SPATA16: variants seen among roughly 807,000 people sequenced by gnomAD.
SPATA16 encodes the protein spermatogenesis associated 16, also known as spermatogenesis-associated protein 16.
A neutral mutation model predicts 63.3 loss-of-function variants in SPATA16; 36 were observed. The ratio of observed to expected loss-of-function variants is 0.57; its 90% CI spans 0.44 to 0.75. The LOEUF (loss-of-function observed/expected upper bound fraction) is 0.75. Among genes scored for constraint, SPATA16 ranks in the 30% least tolerant of loss-of-function variants. The pLI is 0.00. For synonymous variants in SPATA16, 203 were observed against 216.7 expected, an observed-to-expected ratio of 0.94 and a Z score of 0.56; for missense variants, 646 against 679.3, an observed-to-expected ratio of 0.95 and a Z score of 0.54.
At chr3:172,898,612 T>G (rs1307914252) in intron 10 of SPATA16, among the ~76,000 whole-genome samples, 1 of 150,004 alleles carries the variant, frequency 6.7e-6, no homozygotes. Context: ...TTTTATTTGT[T>G]AGTCTTGCTA....
At chr3:172,998,022 G>A (rs182589463) in intron 4 of SPATA16, among the ~76,000 whole-genome samples, 1 of 151,802 alleles carries the variant, frequency 6.6e-6, no homozygotes, top group Non-Finnish European at 1.5e-5. Flanking sequence ...GACTATTCTG[G>A]GTCTTCTACC....
rs1185155912 is a variant in SPATA16, at chr3:173,033,092, G to A, written c.759-13517C>T. The stretch of plus-strand genomic sequence containing the variant: ...TTCTACCTTAGGCAGATGTGATCAG[G>A]AACAAAAGGCAGTTAATGTAATAAT... On this transcript the variant is annotated intron_variant, in intron 3 of 10. Coordinates refer to ENST00000351008, the MANE Select transcript of SPATA16 (RefSeq NM_031955.6). 3.3e-5 allele frequency among the ~76,000 whole-genome samples: 5 copies of A among 152,116 alleles called. No individual in the cohort carries two copies. The South Asian group carries it at 8.3e-4, about 25-fold the overall frequency.
chr3:173,094,872 C>A (rs953235135), intron 2 of SPATA16, among the ~76,000 whole-genome samples: 9 of 152,140 alleles, frequency 5.9e-5, no homozygotes, highest in Non-Finnish European at 1.2e-4. Context: ...AGCTTATATT[C>A]AGCACCTGGT....
intron 1 of SPATA16, among the ~76,000 whole-genome samples, chr3:173,135,714 A>C (rs1258649173): frequency 6.6e-6 from 1 of 152,236 alleles, no homozygotes; most frequent in Non-Finnish European, 1.5e-5. Context: ...ATTCATTTAA[A>C]TAAAGATTAA....
intron 2 of SPATA16, among the ~76,000 whole-genome samples, chr3:173,090,603 G>A (rs1050487922): frequency 6.6e-6 from 1 of 152,248 alleles, no homozygotes. Flanking sequence ...CATCAGCTGA[G>A]GGGGAGCCAG....
intron 8 of SPATA16, among the ~76,000 whole-genome samples, chr3:172,919,258 A>G (rs1732567433): frequency 6.6e-6 from 1 of 152,224 alleles, no homozygotes; most frequent in South Asian, 2.1e-4. Context: ...AATGAATGGA[A>G]AAGTATAGTG....
At chr3:173,119,914 C>T (rs1038563335) in intron 1 of SPATA16, among the ~76,000 whole-genome samples, 3 of 151,766 alleles carry the variant, frequency 2.0e-5, no homozygotes, top group African/African-American at 7.2e-5. Context: ...ATGGTGCAAC[C>T]CTATCTGTAC....
At chr3:173,071,061 A>T (rs1404981146) in intron 2 of SPATA16, among the ~76,000 whole-genome samples, 1 of 152,224 alleles carries the variant, frequency 6.6e-6, no homozygotes, top group Non-Finnish European at 1.5e-5. Context: ...CCTTCAAATT[A>T]TACTAGAAAG....
intron 4 of SPATA16, among the ~76,000 whole-genome samples, chr3:173,014,663 G>T (rs1735141120): frequency 6.6e-6 from 1 of 152,178 alleles, no homozygotes. Flanking sequence ...ATCTCTTGAA[G>T]ATTCAAAAAA....
intron 4 of SPATA16, among the ~76,000 whole-genome samples, chr3:172,997,518 C>T (rs527250215): frequency 2.7e-4 from 41 of 151,952 alleles, no homozygotes; most frequent in African/African-American, 9.2e-4. Context: ...AGTTCTTTAT[C>T]GTATGTGCCT....
intron 3 of SPATA16, among the ~76,000 whole-genome samples, chr3:173,046,532 G>T (rs1389959153): frequency 6.6e-6 from 1 of 151,918 alleles, no homozygotes; most frequent in Non-Finnish European, 1.5e-5. Flanking sequence ...CTAAAAATAT[G>T]CAGTAGACCT....
chr3:172,958,708 G>T (rs1396883207), intron 5 of SPATA16, among the ~76,000 whole-genome samples: 2 of 152,178 alleles, frequency 1.3e-5, no homozygotes, highest in Non-Finnish European at 2.9e-5. Context: ...GGTTTCTTCT[G>T]AGGGTCTCTC....
chr3:173,015,896 G>A (rs946522599), intron 4 of SPATA16, among the ~76,000 whole-genome samples: 3 of 150,682 alleles, frequency 2.0e-5, no homozygotes, highest in Non-Finnish European at 4.4e-5. Context: ...GTGTGTGTAA[G>A]TATGAGTGCT....
chr3:173,067,995 A>G (rs1736563479), intron 2 of SPATA16, among the ~76,000 whole-genome samples: 3 of 152,238 alleles, frequency 2.0e-5, no homozygotes, highest in African/African-American at 7.2e-5. Context: ...TCAACATAGA[A>G]TATTACATCC....
At chr3:172,974,576 G>A (rs895858197) in intron 5 of SPATA16, among the ~76,000 whole-genome samples, 3 of 151,966 alleles carry the variant, frequency 2.0e-5, no homozygotes, top group Admixed American at 2.0e-4. Context: ...GGAGAAGCTG[G>A]TTAGCAGCAG....
At chr3:173,084,201 A>C (rs566045371) in intron 2 of SPATA16, among the ~76,000 whole-genome samples, 6 of 152,106 alleles carry the variant, frequency 3.9e-5, no homozygotes, top group Non-Finnish European at 8.8e-5. Flanking sequence ...TTAACTTTTT[A>C]ATAATTGTCA....
chr3:173,132,396 G>A (rs1738410108), intron 1 of SPATA16, among the ~76,000 whole-genome samples: 2 of 152,100 alleles, frequency 1.3e-5, no homozygotes, highest in Admixed American at 1.3e-4. Context: ...TGAAGCAAAA[G>A]CAAAAGAGAA....
intron 2 of SPATA16, among the ~76,000 whole-genome samples, chr3:173,066,608 C>A (rs560490784): frequency 3.3e-4 from 50 of 152,312 alleles, no homozygotes; most frequent in African/African-American, 1.1e-3. Flanking sequence ...TAGGGCACTA[C>A]CTAGTGCTGA....
chr3:173,070,866 G>A (rs925843343), intron 2 of SPATA16, among the ~76,000 whole-genome samples: 1 of 152,084 alleles, frequency 6.6e-6, no homozygotes, highest in Non-Finnish European at 1.5e-5. Context: ...CAACCAATAT[G>A]GTTAAAATGT....
Sources: gnomAD v4.1 joint callset for allele counts (sites outside exome capture counted in the v4.1 genomes callset) on GRCh38, gnomAD v4.1.1 for gene constraint, MANE v1.5 for transcripts, NCBI Gene and HGNC (gene_info 2026-07-23, HGNC 2026-07-21) for gene names.